The following ABLIM3 variants were observed in gnomAD, a reference collection of about 807,000 sequenced individuals.
ABLIM3 encodes actin-binding LIM protein 3.
A neutral mutation model predicts 109.5 loss-of-function variants in ABLIM3; 61 were observed. The ratio of observed to expected loss-of-function variants is 0.56; its 90% confidence interval spans 0.45 to 0.69. ABLIM3 has a LOEUF of 0.69. Among genes scored for constraint, ABLIM3 ranks in the 30% least tolerant of loss-of-function variants. The pLI, the probability that ABLIM3 is intolerant of heterozygous loss-of-function variation, is 0.00. For synonymous variants in ABLIM3, 300 were observed against 324.8 expected (o/e 0.92, Z 0.82); for missense variants, 796 against 889.5 (o/e 0.89, Z 1.34).
chr5:149,173,216 T>C (rs1022300410), intron 2 of ABLIM3, among the ~76,000 whole-genome samples: 12 of 152,202 alleles, frequency 7.9e-5, no homozygotes, highest in East Asian at 3.9e-4. Context: ...TCACTTCCAA[T>C]GAGCTTCTAG....
chr5:149,155,996 G>A (rs1753840640), intron 2 of ABLIM3, among the ~76,000 whole-genome samples: 1 of 152,256 alleles, frequency 6.6e-6, no homozygotes, highest in Admixed American at 6.5e-5. Flanking sequence ...AGGGCCTGGA[G>A]GCAGTGAGAG....
intron 8 of ABLIM3, among the ~76,000 whole-genome samples, chr5:149,226,606 G>A (rs1317844253): frequency 6.6e-6 from 1 of 152,186 alleles, no homozygotes; most frequent in Non-Finnish European, 1.5e-5. Context: ...AAAGTAGGGA[G>A]GGTCACTGGT....
At chr5:149,207,995 G>A (rs956211056) in intron 6 of ABLIM3, among the ~76,000 whole-genome samples, 1 of 152,224 alleles carries the variant, frequency 6.6e-6, no homozygotes, top group African/African-American at 2.4e-5. Flanking sequence ...CCTTCTAGGT[G>A]CCACTCTCTG....
At chr5:149,181,616 C>G (rs1186779921) in intron 2 of ABLIM3, among the ~76,000 whole-genome samples, 1 of 152,180 alleles carries the variant, frequency 6.6e-6, no homozygotes, top group Non-Finnish European at 1.5e-5. Flanking sequence ...CTATAGCATC[C>G]TTGGGATTCA....
At chr5:149,238,087 A>G (rs1390194710) in intron 11 of ABLIM3, among the ~76,000 whole-genome samples, 1 of 152,160 alleles carries the variant, frequency 6.6e-6, no homozygotes, top group East Asian at 1.9e-4. Context: ...TGGTTTTCCC[A>G]CCTGGCCTTT....
At position 149,249,756 on chromosome 5, in the gene ABLIM3, G is replaced by T; in HGVS notation, c.1700-59G>T. 4.4e-6 allele frequency: 7 copies of T among 1,607,012 alleles called. 1 individual carries two copies. In the South Asian group the frequency reaches 6.6e-5, roughly 15 times the overall value. On this transcript the variant is annotated intron_variant, in intron 18 of 23. Transcript: ENST00000309868. ...CCACATCTCTTTGTCCCCATGAATT[G>T]TCTTCACCATGTTTGTCTTTCCTCA...
At chr5:149,144,435 G>A (rs1206979314) in intron 2 of ABLIM3, among the ~76,000 whole-genome samples, 10 of 152,196 alleles carry the variant, frequency 6.6e-5, no homozygotes, top group Admixed American at 6.5e-4. Context: ...ATTGGCAGGA[G>A]GTCCTTGGGT....
At chr5:149,155,727 A>G (rs1195936900) in intron 2 of ABLIM3, among the ~76,000 whole-genome samples, 1 of 152,212 alleles carries the variant, frequency 6.6e-6, no homozygotes, top group Non-Finnish European at 1.5e-5. Flanking sequence ...CCGAAATAAA[A>G]AGACAGAAAG....
chr5:149,220,414 T>C (rs1276947533), intron 8 of ABLIM3: 2 of 152,194 alleles, frequency 1.3e-5, no homozygotes, highest in Admixed American at 6.5e-5. Flanking sequence ...CACCTTCTCA[T>C]TAATTATCCC....
chr5:149,158,210 A>G (rs572959912), intron 2 of ABLIM3, among the ~76,000 whole-genome samples: 31 of 152,314 alleles, frequency 2.0e-4, no homozygotes, highest in Middle Eastern at 6.8e-3. Context: ...GAAGATAGAA[A>G]TCACGTGTCT....
Position 149,155,633 on chromosome 5 carries a change from T to G in ABLIM3, c.13+13525T>G, listed in dbSNP as rs115008677. Among the ~76,000 whole-genome samples the G allele has an allele frequency of 2.8e-3, 433 of 152,302 alleles. 2 individuals carry two copies. The highest frequency in any genetic ancestry group is 0.01 in the African/African-American group (425 of 41,544). ...AAAAGAAAGAGCAGTCTAGATGGGC[T>G]TACTCATTCCTAGGCAGGCATTCCA... On this transcript the variant is annotated intron_variant, in intron 2 of 23. Transcript: ENST00000309868.
At chr5:149,230,235 G>A (rs1451610406) in intron 8 of ABLIM3, among the ~76,000 whole-genome samples, 1 of 152,200 alleles carries the variant, frequency 6.6e-6, no homozygotes, top group Non-Finnish European at 1.5e-5. Context: ...TGTGGGAGAT[G>A]TAGCAATGAA....
chr5:149,195,079 A>G (rs1027803757), intron 3 of ABLIM3, among the ~76,000 whole-genome samples: 1 of 152,192 alleles, frequency 6.6e-6, no homozygotes, highest in Non-Finnish European at 1.5e-5. Flanking sequence ...AAAGTTGAAA[A>G]TCACTAAAAC....
intron 15 of ABLIM3, among the ~76,000 whole-genome samples, chr5:149,243,088 A>T (rs1477587495): frequency 6.6e-6 from 1 of 152,184 alleles, no homozygotes; most frequent in Non-Finnish European, 1.5e-5. Context: ...GCAGAGGGTG[A>T]CTTCCTTCTT....
intron 3 of ABLIM3, among the ~76,000 whole-genome samples, chr5:149,196,325 G>A (rs1757971234): frequency 6.6e-6 from 1 of 152,232 alleles, no homozygotes; most frequent in Non-Finnish European, 1.5e-5. Context: ...TTAAAGGTGA[G>A]ATAGTATTTG....
chr5:149,222,305 A>T (rs2127533273), intron 8 of ABLIM3, among the ~76,000 whole-genome samples: 1 of 152,320 alleles, frequency 6.6e-6, no homozygotes, highest in East Asian at 1.9e-4. Context: ...GAGGATGAGA[A>T]TGAAAGTTTC....
chr5:149,249,315 G>A (rs759372278), intron 18 of ABLIM3, among the ~76,000 whole-genome samples: 1 of 152,234 alleles, frequency 6.6e-6, no homozygotes, highest in Non-Finnish European at 1.5e-5. Flanking sequence ...GTATCTTACT[G>A]TATTGTGTCA....
At chr5:149,230,548 A>G (rs1369257666) in intron 8 of ABLIM3, 101 bp from the exon 9 acceptor site, 1 of 1,283,276 alleles carries the variant, frequency 7.8e-7, no homozygotes. Context: ...GCAGATGTGT[A>G]AGGGACATAC....
chr5:149,214,049 T>C (rs914578981), intron 7 of ABLIM3, among the ~76,000 whole-genome samples: 3 of 152,178 alleles, frequency 2.0e-5, no homozygotes, highest in African/African-American at 7.2e-5. Context: ...GAAATAGACA[T>C]GGCTGCAGTA....
Sources: gnomAD v4.1 joint callset for allele counts (sites outside exome capture counted in the v4.1 genomes callset) on GRCh38, gnomAD v4.1.1 for gene constraint, MANE v1.5 for transcripts, NCBI Gene and HGNC (gene_info 2026-07-23, HGNC 2026-07-21) for gene names.